The following XRCC3 variants were observed in gnomAD, a reference collection of about 807,000 sequenced individuals.
XRCC3 encodes DNA repair protein XRCC3.
XRCC3 carries 34 observed loss-of-function variants against 29.2 expected under a neutral mutation model. The observed-to-expected ratio is 1.16, with a 90% CI of 0.88 to 1.55. The LOEUF (loss-of-function observed/expected upper bound fraction) is 1.55, where lower values mean the gene tolerates loss of function less well. Among genes scored for constraint, XRCC3 ranks in the 40% most tolerant of loss-of-function variants. The pLI is 0.00. For synonymous variants in XRCC3, 223 were observed against 211.3 expected (o/e 1.06, Z -0.48); for missense variants, 463 against 467.6 (o/e 0.99, Z 0.09).
At chr14:103,700,667 C>G (rs757297093) in intron 7 of XRCC3, 1 of 1,607,354 alleles carries the variant, frequency 6.2e-7, no homozygotes, top group East Asian at 2.3e-5. Context: ...CGTCTCTGGC[C>G]GAGCCTCTTT....
chr14:103,712,646 G>A (rs1276104730), intron 2 of XRCC3: 1 of 152,460 alleles, frequency 6.6e-6, no homozygotes, highest in Non-Finnish European at 1.5e-5. Flanking sequence ...CGGAGGGATG[G>A]TTCCCTGAGC....
At chr14:103,701,085 C>A in intron 7 of XRCC3, 1 of 1,311,290 alleles carries the variant, frequency 7.6e-7, no homozygotes, top group Non-Finnish European at 1.1e-6. Context: ...CAGCAACACC[C>A]TCTTCTCTAG....
rs1259936695 is a variant in XRCC3 at position 103,698,804 on chromosome 14, G to A, written c.1035C>T (p.Ser345=). 3 of 1,596,834 alleles carry A rather than the reference G, an allele frequency of 1.9e-6. No homozygotes were observed. The highest frequency in any genetic ancestry group is 2.6e-6 in the Non-Finnish European group (3 of 1,172,598). ...EGVRGTPGTQ[S]H is the part of the protein sequence containing the mutation. ...TTGTGCAGCCGCCACCGTGTCAGTGGGACTGGGTCCCAGGTGTCCCTCGCA... is the reference window on the plus strand; with the variant it reads ...TTGTGCAGCCGCCACCGTGTCAGTGAGACTGGGTCCCAGGTGTCCCTCGCA... The change falls in exon 10 of 10, where the codon TCC becomes TCT. Residue 345 remains serine (S), a synonymous_variant. Transcript: ENST00000555055.
chr14:103,706,971 G>T, intron 6 of XRCC3, 32 bp downstream of exon 6: 18 of 1,536,994 alleles, frequency 1.2e-5, no homozygotes, highest in Non-Finnish European at 1.6e-5. Flanking sequence ...CCGCCCACCT[G>T]CCCAGACCCC....
At chr14:103,711,431 C>G in intron 3 of XRCC3, 35 bp downstream of exon 3, 1 of 525,400 alleles carries the variant, frequency 1.9e-6, no homozygotes, top group South Asian at 1.5e-5. Context: ...ATAAGACCAT[C>G]CTCCTGCAGC....
At chr14:103,712,108 G>GGCCCGGCATGGA (rs2307731) in intron 2 of XRCC3, 72 of 230,124 alleles carry the variant, frequency 3.1e-4, no homozygotes, top group Non-Finnish European at 5.3e-4. Flanking sequence ...CAGGGAGACA[G>GGCCCGGCATGGA]GAACAGACTA....
intron 5 of XRCC3, 114 bp from the exon 6 acceptor site, chr14:103,707,329 G>T: frequency 1.5e-6 from 2 of 1,324,684 alleles, no homozygotes; most frequent in Non-Finnish European, 2.1e-6. Context: ...CTGGAGCACA[G>T]GTGCCTGCGG....
In XRCC3 at chr14:103,698,836, C is replaced by T. The variant is rs759419858; in HGVS notation, c.1003G>A (p.Glu335Lys). The T allele has an allele frequency of 2.7e-5, 44 of 1,606,042 alleles. No individual in the cohort carries two copies. The highest frequency in any genetic ancestry group is 1.0e-4 in the Admixed American group (6 of 59,156). Residue 335 changes from glutamate to lysine, a missense_variant, in exon 10 of 10, where the codon GAA (glutamate) becomes AAA (lysine). Transcript: ENST00000555055. ...GTCCCAGGTGTCCCTCGCACCCCTT[C>T]GGCACTGATCGTGTAGGAACAGGAG... ...PSSCSYTISA[E>K]GVRGTPGTQS...
In XRCC3 at chr14:103,699,527, C is replaced by A. The variant is rs756095186; in HGVS notation, c.611G>T (p.Arg204Leu). 3.1e-6 allele frequency: 5 copies of A among 1,613,356 alleles called. No individual in the cohort carries two copies. In the Admixed American group the frequency reaches 8.3e-5, roughly 27 times the overall value. Reference sequence around the variant, plus strand: ...GATGACCACCAGGCGAGCCATGCCCCGAGACAGCAGTACGGGGACCTTCTT... The same window carrying A: ...GATGACCACCAGGCGAGCCATGCCCAGAGACAGCAGTACGGGGACCTTCTT... ...VNKKVPVLLS[R>L]GMARLVVIDS... is the part of the protein sequence containing the mutation. Residue 204 changes from arginine to leucine, a missense_variant, in exon 8 of 10, where the codon CGG becomes CTG. Coordinates refer to ENST00000555055, the MANE Select transcript of XRCC3 (RefSeq NM_005432.4).
At chr14:103,701,050 C>T (rs1465558852) in intron 7 of XRCC3, 2 of 947,648 alleles carry the variant, frequency 2.1e-6, no homozygotes, top group Non-Finnish European at 3.2e-6. Context: ...CCCCATGACC[C>T]CTCGGCCCCA....
intron 7 of XRCC3, 104 bp from the exon 8 acceptor site, chr14:103,699,680 C>T: frequency 8.8e-7 from 1 of 1,138,084 alleles, no homozygotes; most frequent in Non-Finnish European, 1.3e-6. Flanking sequence ...CCTTCCTACC[C>T]ACCTGGGGCT....
chr14:103,705,667 C>T (rs148111914), intron 6 of XRCC3: 225 of 153,028 alleles, frequency 1.5e-3, no homozygotes, highest in Non-Finnish European at 2.9e-3. Flanking sequence ...GCTGTCATCC[C>T]GCAGCAGTCA....
chr14:103,701,363 C>G, intron 7 of XRCC3: 2 of 708,234 alleles, frequency 2.8e-6, no homozygotes, highest in Non-Finnish European at 4.5e-6. Flanking sequence ...AACCACACGG[C>G]TGGCGTGACC....
intron 6 of XRCC3, chr14:103,705,860 G>C (rs534335858): frequency 1.2e-5 from 2 of 167,952 alleles, no homozygotes; most frequent in East Asian, 3.4e-4. Flanking sequence ...GGCGGCTCCC[G>C]TCCCGTTCCT....
chr14:103,701,362 G>A, intron 7 of XRCC3: 1 of 727,872 alleles, frequency 1.4e-6, no homozygotes, highest in South Asian at 2.1e-5. Flanking sequence ...TAACCACACG[G>A]CTGGCGTGAC....
rs144043338 is a variant in XRCC3, at chr14:103,701,479, C to T, written c.561+1694G>A. On this transcript the variant is annotated intron_variant, in intron 7 of 9. Coordinates refer to ENST00000555055, the MANE Select transcript of XRCC3 (RefSeq NM_005432.4). ...ACGGCTCCCTTCCCATGTGTAACTT[C>T]CTCACGTTGTGTGCGATAACGTATT... is the stretch of plus-strand genomic sequence containing the variant. 49 of 427,468 alleles carry T rather than the reference C, an allele frequency of 1.1e-4. 1 individual carries two copies. The highest frequency in any genetic ancestry group is 7.8e-4 in the African/African-American group (39 of 49,988). 26.5% of individuals were successfully genotyped at this position (427,468 alleles called of 1,614,324 possible).
intron 6 of XRCC3, 30 bp from the exon 7 acceptor site, chr14:103,703,357 G>A (rs2151931874): frequency 1.3e-6 from 2 of 1,539,004 alleles, no homozygotes; most frequent in Non-Finnish European, 1.7e-6. Context: ...GATGTGCCCA[G>A]GGGACTCCAG....
intron 6 of XRCC3, chr14:103,703,890 T>G (rs1023277123): frequency 5.9e-6 from 1 of 169,008 alleles, no homozygotes; most frequent in Non-Finnish European, 1.3e-5. Context: ...CCCTGTGCAC[T>G]GCCGCTAGGA....
At chr14:103,708,767 C>T (rs117048946) in intron 4 of XRCC3, 108 bp from the exon 5 acceptor site, 47 of 1,452,330 alleles carry the variant, frequency 3.2e-5, no homozygotes, top group Non-Finnish European at 4.2e-5. Flanking sequence ...ACCGTGCTTC[C>T]GATTCTGGGG....
Sources: allele counts gnomAD v4.1 joint callset, GRCh38; gene constraint gnomAD v4.1.1; transcripts MANE v1.5; gene names NCBI Gene and HGNC (gene_info 2026-07-23, HGNC 2026-07-21).